The following CCDC57 variants were observed in gnomAD, a reference collection of about 807,000 sequenced individuals.
CCDC57 encodes the protein coiled-coil domain containing 57.
A neutral mutation model predicts 118.9 loss-of-function variants in CCDC57; 118 were observed. The observed-to-expected ratio is 0.99, with a 90% CI of 0.86 to 1.16. The LOEUF is 1.16. Among genes scored for constraint, CCDC57 ranks in the 50% most tolerant of loss-of-function variants. CCDC57 has a pLI of 0.00. For synonymous variants in CCDC57, 527 were observed against 532.9 expected (o/e 0.99, Z 0.15); for missense variants, 1,300 against 1,320.7 (o/e 0.98, Z 0.24).
intron 13 of CCDC57, among the ~76,000 whole-genome samples, chr17:82,170,308 G>A (rs994358925): frequency 4.6e-5 from 7 of 152,066 alleles, no homozygotes; most frequent in African/African-American, 1.7e-4. Flanking sequence ...AGGAGTTCGG[G>A]ACCAGCCTGA....
At chr17:82,137,991 T>A (rs931214567) in intron 16 of CCDC57, among the ~76,000 whole-genome samples, 1 of 151,674 alleles carries the variant, frequency 6.6e-6, no homozygotes, top group Non-Finnish European at 1.5e-5. Flanking sequence ...CTTTTATATT[T>A]AAAATGATCT....
At chr17:82,104,923 C>T (rs1354843828) in intron 19 of CCDC57, 4 of 152,284 alleles carry the variant, frequency 2.6e-5, no homozygotes, top group Non-Finnish European at 5.9e-5. Flanking sequence ...CCGTCTCAGC[C>T]TGGGGGCATG....
intron 11 of CCDC57, among the ~76,000 whole-genome samples, chr17:82,177,939 C>T (rs552837796): frequency 1.3e-5 from 2 of 149,948 alleles, no homozygotes; most frequent in Admixed American, 6.6e-5. Flanking sequence ...CAGCCCTGCA[C>T]CCCGCTTCCC....
chr17:82,115,832 C>G (rs1200915932), intron 19 of CCDC57, among the ~76,000 whole-genome samples: 1 of 119,130 alleles, frequency 8.4e-6, no homozygotes, highest in East Asian at 2.7e-4. Context: ...GAGTCTCACT[C>G]TGTCGCCCAG....
intron 16 of CCDC57, among the ~76,000 whole-genome samples, chr17:82,137,000 C>T (rs1034915079): frequency 6.0e-5 from 9 of 149,008 alleles, no homozygotes; most frequent in Non-Finnish European, 1.3e-4. Flanking sequence ...GGGTTTGTTT[C>T]CTTGGTGTAC....
chr17:82,187,054 T>C (rs2047012538), intron 8 of CCDC57, among the ~76,000 whole-genome samples: 1 of 151,964 alleles, frequency 6.6e-6, no homozygotes, highest in Non-Finnish European at 1.5e-5. Context: ...TTGGCCAATG[T>C]GGTGAAACCC....
intron 8 of CCDC57, among the ~76,000 whole-genome samples, chr17:82,187,836 G>C (rs1414541977): frequency 2.0e-5 from 3 of 147,084 alleles, no homozygotes; most frequent in East Asian, 2.0e-4. Flanking sequence ...TGGCGGGGGT[G>C]GGGGAGGCGT....
intron 19 of CCDC57, among the ~76,000 whole-genome samples, chr17:82,117,197 A>T (rs993812689): frequency 2.0e-5 from 3 of 151,920 alleles, no homozygotes; most frequent in African/African-American, 4.8e-5. Flanking sequence ...CAAAAAAAAT[A>T]AAAAAATTAG....
chr17:82,107,664 A>C (rs1598612816), intron 19 of CCDC57: 1 of 458,922 alleles, frequency 2.2e-6, no homozygotes. Flanking sequence ...TTGAAGAAAC[A>C]CCCCCTGCTG....
intron 1 of CCDC57, among the ~76,000 whole-genome samples, chr17:82,208,984 G>A (rs1052766494): frequency 1.3e-5 from 2 of 152,050 alleles, no homozygotes; most frequent in Non-Finnish European, 2.9e-5. Context: ...CAGCTCAAGC[G>A]ATCTTCCCAC....
At chr17:82,111,806 C>G (rs1405171569) in intron 19 of CCDC57, among the ~76,000 whole-genome samples, 1 of 151,916 alleles carries the variant, frequency 6.6e-6, no homozygotes, top group African/African-American at 2.4e-5. Context: ...GGGGTTTTAC[C>G]AAGTTGGCCA....
intron 19 of CCDC57, chr17:82,126,837 G>A (rs1226247574): frequency 2.0e-6 from 2 of 985,304 alleles, no homozygotes; most frequent in Non-Finnish European, 2.4e-6. Context: ...TGCGCATGAA[G>A]GAGAGAATGA....
At chr17:82,193,542 CAA>C (rs1002057569) in intron 7 of CCDC57, among the ~76,000 whole-genome samples, 3 of 110,208 alleles carry the variant, frequency 2.7e-5, no homozygotes. Flanking sequence ...AAGACCCTGT[CAA>C]AAAAAAAAAA....
chr17:82,139,376 G>A (rs1253932351), intron 16 of CCDC57, among the ~76,000 whole-genome samples: 1 of 152,136 alleles, frequency 6.6e-6, no homozygotes, highest in Non-Finnish European at 1.5e-5. Context: ...TTGAGACGAA[G>A]TCTCAAAGAA....
chr17:82,203,822 C>T (rs558523519), intron 2 of CCDC57, among the ~76,000 whole-genome samples: 1 of 152,314 alleles, frequency 6.6e-6, no homozygotes, highest in South Asian at 2.1e-4. Flanking sequence ...TGGGACATGG[C>T]CGGGGTGCTG....
intron 8 of CCDC57, 65 bp from the exon 8 acceptor site, chr17:82,183,997 A>G (rs1429526434): frequency 1.6e-6 from 2 of 1,265,798 alleles, no homozygotes; most frequent in South Asian, 1.5e-5. Context: ...CTTACACAGC[A>G]CCCCCCAGCA....
exon 13 of CCDC57, chr17:82,171,726 G>A (rs372396668): frequency 1.7e-5 from 27 of 1,612,812 alleles, no homozygotes; most frequent in East Asian, 1.3e-4. Context: ...AGGTGCGGAC[G>A]CTGGGCTGAG....
chr17:82,135,587 GA>G (rs1178885341), intron 16 of CCDC57, among the ~76,000 whole-genome samples: 1 of 152,176 alleles, frequency 6.6e-6, no homozygotes, highest in African/African-American at 2.4e-5. Flanking sequence ...ATGACACTTG[GA>G]AATGAACGTG....
At chr17:82,104,167 ACT>A (rs1255169422) in intron 19 of CCDC57, among the ~76,000 whole-genome samples, 8 of 151,540 alleles carry the variant, frequency 5.3e-5, no homozygotes, top group African/African-American at 1.9e-4. Flanking sequence ...GGCCTCCACC[ACT>A]CTCTGCCCCG....
Sources: gnomAD v4.1 joint callset for allele counts (sites outside exome capture counted in the v4.1 genomes callset) on GRCh38, gnomAD v4.1.1 for gene constraint, MANE v1.5 for transcripts, NCBI Gene and HGNC (gene_info 2026-07-23, HGNC 2026-07-21) for gene names.